Variants in ZNF730 observed in about 807,000 individuals in gnomAD.
The protein encoded by ZNF730 is putative zinc finger protein 730.
In ZNF730, 12 loss-of-function variants were observed where a neutral mutation model predicts 12.6. The observed-to-expected ratio is 0.95, with a 90% CI of 0.61 to 1.54. The LOEUF is 1.54. Among genes scored for constraint, ZNF730 ranks in the 40% most tolerant of loss-of-function variants. The probability of loss-of-function intolerance (pLI) is 0.00; values close to 1 mark genes in which losing one functional copy is unlikely to be tolerated. For missense variants in ZNF730, 643 were observed against 583.5 expected (o/e 1.10, Z -1.05); for synonymous variants, 194 against 195.8 (o/e 0.99, Z 0.08).
chr19:23,119,725 G>T (rs1288560750), intron 1 of ZNF730, among the ~76,000 whole-genome samples: 2 of 152,076 alleles, frequency 1.3e-5, no homozygotes, highest in Admixed American at 6.5e-5. Context: ...GCTGAGGTAG[G>T]AGAATCACTT....
At chr19:23,135,325 T>A (rs1970813587) in intron 2 of ZNF730, among the ~76,000 whole-genome samples, 2 of 149,172 alleles carry the variant, frequency 1.3e-5, no homozygotes, top group South Asian at 4.4e-4. Context: ...AACTTTCCAC[T>A]TTCCTGAGCT....
rs1487267703 is a variant in ZNF730, at chr19:23,126,433, T to A, written c.4-7647T>A. ...TGTACATGGTGCTGCTCCATGCTTC[T>A]CAGAAAAAGAGTAGATCCATTTTGT... On this transcript the variant is annotated intron_variant, in intron 1 of 3. Transcript: ENST00000597761. 1.3e-5 allele frequency: 4 copies of A among 311,588 alleles called. No homozygotes were observed. In the East Asian group the frequency reaches 3.5e-4, roughly 27 times the overall value. The allele number at this position is 311,588 out of a possible 1,614,324, so 19.3% of individuals were successfully genotyped here.
At position 23,127,942 on chromosome 19, in the gene ZNF730, G is replaced by A. The variant is rs1970690626; in HGVS notation, c.4-6138G>A. On this transcript the variant is annotated intron_variant, in intron 1 of 3. Transcript: ENST00000597761. ...GAAGGTTGGCCTAACCAATTACACT[G>A]CAATGTATTGTACTGGCCTGCTGCT... 34 of 699,036 alleles carry A rather than the reference G, an allele frequency of 4.9e-5. No individual in the cohort carries two copies. The South Asian group carries it at 5.0e-4, about 10-fold the overall frequency. 43.3% of individuals were successfully genotyped at this position (699,036 alleles called of 1,614,324 possible). A position where few individuals can be genotyped will look rare whatever the true frequency, so the allele number is the denominator to read the frequency against.
intron 1 of ZNF730, among the ~76,000 whole-genome samples, chr19:23,111,002 A>G (rs567548268): frequency 1.4e-4 from 21 of 152,320 alleles, no homozygotes; most frequent in Non-Finnish European, 2.8e-4. Flanking sequence ...TAAGAGGACA[A>G]ATTTAATGTT....
intron 3 of ZNF730, among the ~76,000 whole-genome samples, chr19:23,137,739 C>T (rs1970854173): frequency 6.6e-6 from 1 of 152,128 alleles, no homozygotes; most frequent in Non-Finnish European, 1.5e-5. Context: ...TTGTTGGGTG[C>T]CCAGGGTGAT....
intron 1 of ZNF730, chr19:23,127,894 C>T (rs533560348): frequency 1.8e-5 from 12 of 670,648 alleles, no homozygotes; most frequent in Middle Eastern, 8.7e-4. Context: ...AGCATATGCT[C>T]GTAAACTGCC....
chr19:23,130,395 A>T (rs1970731867), intron 1 of ZNF730, among the ~76,000 whole-genome samples: 1 of 152,144 alleles, frequency 6.6e-6, no homozygotes, highest in Non-Finnish European at 1.5e-5. Flanking sequence ...TTCTCTTCCC[A>T]GTCTCAGGTA....
chr19:23,084,594 T>C (rs1970026038), intron 1 of ZNF730, among the ~76,000 whole-genome samples: 1 of 152,226 alleles, frequency 6.6e-6, no homozygotes, highest in African/African-American at 2.4e-5. Flanking sequence ...TTATTTTTCC[T>C]GATCCTTTTC....
chr19:23,117,430 C>G (rs1970544885), intron 1 of ZNF730, among the ~76,000 whole-genome samples: 1 of 152,152 alleles, frequency 6.6e-6, no homozygotes, highest in Non-Finnish European at 1.5e-5. Flanking sequence ...AGCTCTGCAC[C>G]CGCAGCGCTG....
chr19:23,089,489 T>C (rs1394152249), intron 1 of ZNF730, among the ~76,000 whole-genome samples: 2 of 152,186 alleles, frequency 1.3e-5, no homozygotes, highest in Admixed American at 6.5e-5. Context: ...GGGGAGATTA[T>C]TGAATCGTGG....
In ZNF730 at chr19:23,138,282, CA is replaced by C. The variant is rs1315758966; in HGVS notation, c.226+2260del. On this transcript the variant is annotated intron_variant, in intron 3 of 3. Coordinates refer to ENST00000597761, the MANE Select transcript of ZNF730 (RefSeq NM_001277403.2). Reference sequence around the variant, plus strand: ...TGGGCGACAGAGCGAGACTCCGTCTCAAAAAAAAAAAAAAAAAAAAAGAAAA... The same window carrying C: ...TGGGCGACAGAGCGAGACTCCGTCTCAAAAAAAAAAAAAAAAAAAAGAAAA... 3.5e-3 allele frequency among the ~76,000 whole-genome samples: 33 copies of C among 9,458 alleles called. 3 individuals are homozygous for C. The highest frequency in any genetic ancestry group is 6.6e-3 in the South Asian group (1 of 152). The allele number at this position is 9,458 out of a possible 152,430, so 6.2% of individuals were successfully genotyped here. A position where few individuals can be genotyped will look rare whatever the true frequency, so the allele number is the denominator to read the frequency against.
At chr19:23,087,145 T>C (rs2935453) in intron 1 of ZNF730, among the ~76,000 whole-genome samples, 65,133 of 152,098 alleles carry the variant, frequency 0.43, 15,832 homozygotes, top group African/African-American at 0.68. Context: ...CAGTGGCTCA[T>C]GCCTATAATC....
chr19:23,112,208 T>C (rs1970468581), upstream of ZNF730, among the ~76,000 whole-genome samples: 1 of 152,102 alleles, frequency 6.6e-6, no homozygotes, highest in East Asian at 1.9e-4. Flanking sequence ...CAGAAAGATT[T>C]CTCCTAAAAA....
At chr19:23,095,166 A>G (rs1287873398) in intron 1 of ZNF730, 1 of 380,370 alleles carries the variant, frequency 2.6e-6, no homozygotes, top group Non-Finnish European at 4.7e-6. Flanking sequence ...TAATGTGACT[A>G]TCTTACTGCC....
At chr19:23,136,221 T>A (rs1003502970) in intron 3 of ZNF730, 178 bp downstream of exon 3, 7 of 374,754 alleles carry the variant, frequency 1.9e-5, no homozygotes, top group African/African-American at 1.5e-4. Flanking sequence ...AAGCATCTTT[T>A]GTTTTATCTT....
At chr19:23,083,221 C>A (rs971893810) in intron 1 of ZNF730, among the ~76,000 whole-genome samples, 1 of 151,708 alleles carries the variant, frequency 6.6e-6, no homozygotes, top group Non-Finnish European at 1.5e-5. Flanking sequence ...GTCAGGAGTT[C>A]GAGACCAGCC....
chr19:23,111,698 G>A (rs926383901), intron 1 of ZNF730, among the ~76,000 whole-genome samples: 12 of 151,112 alleles, frequency 7.9e-5, no homozygotes, highest in African/African-American at 2.2e-4. Context: ...TCAGTGAGCC[G>A]ACATCACACC....
intron 1 of ZNF730, among the ~76,000 whole-genome samples, chr19:23,098,860 A>G (rs866702914): frequency 1.7e-4 from 26 of 152,142 alleles, no homozygotes; most frequent in Middle Eastern, 3.2e-3. Context: ...GATGACTCTA[A>G]TACTTTGTAC....
At chr19:23,095,990 A>G (rs1970244241) in intron 1 of ZNF730, among the ~76,000 whole-genome samples, 1 of 152,036 alleles carries the variant, frequency 6.6e-6, no homozygotes, top group Admixed American at 6.6e-5. Context: ...AGTGGAGAGT[A>G]TGACACTTTT....
Sources: gnomAD v4.1 joint callset for allele counts (sites outside exome capture counted in the v4.1 genomes callset) on GRCh38, gnomAD v4.1.1 for gene constraint, MANE v1.5 for transcripts, NCBI Gene and HGNC (gene_info 2026-07-23, HGNC 2026-07-21) for gene names.